RIC1: variants seen among roughly 807,000 people sequenced by gnomAD.
RIC1 encodes guanine nucleotide exchange factor subunit RIC1.
Under a neutral mutation model 169.0 loss-of-function variants are expected in RIC1, and 88 were observed. The observed-to-expected ratio is 0.52, with a 90% CI of 0.44 to 0.62. The LOEUF (loss-of-function observed/expected upper bound fraction) is 0.62. Among genes scored for constraint, RIC1 ranks in the 20% least tolerant of loss-of-function variants. The pLI is 0.00. For synonymous variants in RIC1, 790 were observed against 601.5 expected (o/e 1.31, Z -4.59); for missense variants, 1,877 against 1,725.5 (o/e 1.09, Z -1.56).
chr9:5,723,705 G>T (rs1170335687), intron 6 of RIC1, among the ~76,000 whole-genome samples: 4 of 152,200 alleles, frequency 2.6e-5, no homozygotes, highest in African/African-American at 9.7e-5. Flanking sequence ...CAACATTTAA[G>T]TCTTTAATCC....
At chr9:5,696,030 G>A (rs1158134690) in intron 3 of RIC1, among the ~76,000 whole-genome samples, 1 of 152,048 alleles carries the variant, frequency 6.6e-6, no homozygotes, top group Non-Finnish European at 1.5e-5. Flanking sequence ...TCTTCCTCTG[G>A]ATTGTTTCTT....
At chr9:5,665,769 G>C (rs1819716177) in intron 2 of RIC1, among the ~76,000 whole-genome samples, 1 of 152,106 alleles carries the variant, frequency 6.6e-6, no homozygotes, top group South Asian at 2.1e-4. Flanking sequence ...TATCACCAGG[G>C]AGGGCTGCAA....
chr9:5,658,200 T>A (rs973971369), intron 2 of RIC1, among the ~76,000 whole-genome samples: 1 of 152,124 alleles, frequency 6.6e-6, no homozygotes, highest in African/African-American at 2.4e-5. Context: ...TAAAGCACAC[T>A]GTAGTGTGGT....
chr9:5,756,256 T>A lies in RIC1; in HGVS notation c.1737T>A (p.Ala579=). 1 of 1,603,020 alleles carries A rather than the reference T, an allele frequency of 6.2e-7. No homozygotes were observed. Among genetic ancestry groups the A allele is most frequent in the East Asian group, 2.2e-5 (1 of 44,482 alleles). Residue 579 remains alanine (A), a synonymous_variant, in exon 16 of 26, where the codon GCT becomes GCA. Transcript: ENST00000414202. ...LRTSNLDNAF[A]HVTKAQAETL... is the part of the protein sequence containing the mutation. ...CATCAAATCTGGACAATGCCTTTGC[T>A]CATGTCACCAAAGCACAAGCAGAAA...
intron 8 of RIC1, among the ~76,000 whole-genome samples, chr9:5,738,800 T>A (rs1361001079): frequency 6.6e-6 from 1 of 152,074 alleles, no homozygotes; most frequent in African/African-American, 2.4e-5. Flanking sequence ...AGGCTTCCTA[T>A]CAGTTTCACT....
At chr9:5,645,803 G>C (rs1339602072) in intron 1 of RIC1, among the ~76,000 whole-genome samples, 2 of 152,120 alleles carry the variant, frequency 1.3e-5, no homozygotes, top group Admixed American at 6.5e-5. Context: ...TTCATCTGTT[G>C]ATGGACACAT....
intron 3 of RIC1, among the ~76,000 whole-genome samples, chr9:5,712,054 A>G (rs1026618366): frequency 6.6e-6 from 1 of 152,176 alleles, no homozygotes; most frequent in African/African-American, 2.4e-5. Flanking sequence ...ATGTGTCTTT[A>G]TAGCAGCATG....
At chr9:5,737,666 C>G (rs574206790) in intron 7 of RIC1, among the ~76,000 whole-genome samples, 1 of 151,658 alleles carries the variant, frequency 6.6e-6, no homozygotes, top group Middle Eastern at 3.4e-3. Flanking sequence ...GGTACCAACC[C>G]CCCAACACAG....
chr9:5,640,955 G>C (rs1818208522), intron 1 of RIC1, among the ~76,000 whole-genome samples: 1 of 152,066 alleles, frequency 6.6e-6, no homozygotes. Context: ...GATTTTTACT[G>C]AAGAGTCTGC....
chr9:5,633,736 AC>A (rs1357798622), intron 1 of RIC1, among the ~76,000 whole-genome samples: 3 of 152,194 alleles, frequency 2.0e-5, no homozygotes, highest in African/African-American at 7.2e-5. Context: ...TGGGATGAGA[AC>A]ACTTAAGACC....
intron 1 of RIC1, among the ~76,000 whole-genome samples, chr9:5,653,365 G>A (rs77352370): frequency 1.8e-3 from 279 of 151,930 alleles, no homozygotes; most frequent in African/African-American, 6.1e-3. Flanking sequence ...AGGTAATGCC[G>A]GTCTTCCAAC....
At chr9:5,735,787 A>G (rs891317164) in intron 7 of RIC1, among the ~76,000 whole-genome samples, 1 of 152,170 alleles carries the variant, frequency 6.6e-6, no homozygotes, top group East Asian at 1.9e-4. Flanking sequence ...AAATATTTAA[A>G]GGTATTACTA....
chr9:5,635,885 C>G (rs1201328275), intron 1 of RIC1, among the ~76,000 whole-genome samples: 1 of 152,190 alleles, frequency 6.6e-6, no homozygotes, highest in Non-Finnish European at 1.5e-5. Flanking sequence ...TGAGGCCTCA[C>G]CAGCCATTAT....
chr9:5,717,497 C>A (rs1296031137), intron 4 of RIC1, among the ~76,000 whole-genome samples: 1 of 152,026 alleles, frequency 6.6e-6, no homozygotes, highest in South Asian at 2.1e-4. Context: ...GAAAGCTGAC[C>A]AATCCGGGAG....
At chr9:5,634,920 G>C (rs1817897336) in intron 1 of RIC1, among the ~76,000 whole-genome samples, 1 of 151,896 alleles carries the variant, frequency 6.6e-6, no homozygotes, top group Non-Finnish European at 1.5e-5. Context: ...TATTTGTGGG[G>C]TATATGGGAT....
At chr9:5,656,134 T>G (rs1172407618) in intron 1 of RIC1, among the ~76,000 whole-genome samples, 1 of 152,154 alleles carries the variant, frequency 6.6e-6, no homozygotes, top group Non-Finnish European at 1.5e-5. Context: ...CCTCCCAAAG[T>G]GCTGGGATTA....
Position 5,675,327 on chromosome 9 carries a change from G to A in RIC1, c.253-14632G>A, listed in dbSNP as rs908465759. Among the ~76,000 whole-genome samples, 6 of 152,290 alleles carry A rather than the reference G, an allele frequency of 3.9e-5. No homozygotes were observed. In the South Asian group the frequency reaches 6.2e-4, roughly 16 times the overall value. On this transcript the variant is annotated intron_variant, in intron 2 of 25. Coordinates refer to ENST00000414202, the MANE Select transcript of RIC1 (RefSeq NM_020829.4). ...GAGTAGGTAATCGGAATGAGTCAGG[G>A]TGGAGGAGGTAATCTAAAAAGATTG...
chr9:5,718,139 C>CAAAAAAAAAAA (rs35477806), intron 4 of RIC1, among the ~76,000 whole-genome samples: 1 of 28,090 alleles, frequency 3.6e-5, no homozygotes, highest in Non-Finnish European at 6.8e-5. Context: ...GACTCCGTCT[C>CAAAAAAAAAAA]AAAAAAAAAA....
intron 2 of RIC1, among the ~76,000 whole-genome samples, chr9:5,686,657 T>G (rs1178236489): frequency 2.0e-5 from 3 of 149,316 alleles, no homozygotes; most frequent in Admixed American, 1.3e-4. Flanking sequence ...GGGATAGCAC[T>G]GGGAGATATA....
Sources: gnomAD v4.1 joint callset for allele counts (sites outside exome capture counted in the v4.1 genomes callset) on GRCh38, gnomAD v4.1.1 for gene constraint, MANE v1.5 for transcripts, NCBI Gene and HGNC (gene_info 2026-07-23, HGNC 2026-07-21) for gene names.